Variants in PIK3C2G observed in about 807,000 individuals in gnomAD.
The protein encoded by PIK3C2G is phosphatidylinositol 3-kinase C2 domain-containing subunit gamma.
Under a neutral mutation model 181.1 loss-of-function variants are expected in PIK3C2G, and 168 were observed. The ratio of observed to expected loss-of-function variants is 0.93; its 90% CI spans 0.82 to 1.05. The LOEUF is 1.05. PIK3C2G is among the 50% of genes least tolerant of loss of function. PIK3C2G has a pLI of 0.00. For synonymous variants in PIK3C2G, 573 were observed against 592.2 expected (o/e 0.97, Z 0.47); for missense variants, 1,869 against 1,732.8 (o/e 1.08, Z -1.40).
intron 31 of PIK3C2G, among the ~76,000 whole-genome samples, chr12:18,614,185 G>A (rs897803674): frequency 6.6e-6 from 1 of 151,964 alleles, no homozygotes; most frequent in African/African-American, 2.4e-5. Flanking sequence ...TTCCGTGAAT[G>A]AAAATTGTTC....
intron 10 of PIK3C2G, among the ~76,000 whole-genome samples, chr12:18,343,859 C>G (rs1328085123): frequency 6.6e-6 from 1 of 152,032 alleles, no homozygotes; most frequent in Admixed American, 6.6e-5. Flanking sequence ...GGCTTCGAGT[C>G]TATAAAATTG....
chr12:18,434,607 A>G (rs1946348226), intron 18 of PIK3C2G, among the ~76,000 whole-genome samples: 1 of 152,170 alleles, frequency 6.6e-6, no homozygotes, highest in Admixed American at 6.5e-5. Context: ...GTCAGTAATA[A>G]TGCCCCCACC....
chr12:18,330,204 G>A (rs1232371304), intron 8 of PIK3C2G, among the ~76,000 whole-genome samples: 1 of 152,066 alleles, frequency 6.6e-6, no homozygotes, highest in African/African-American at 2.4e-5. Context: ...CCCATGTTAA[G>A]TGGGTAGTTT....
chr12:18,489,895 T>C (rs1025916747), intron 19 of PIK3C2G, among the ~76,000 whole-genome samples: 8 of 152,174 alleles, frequency 5.3e-5, no homozygotes, highest in Non-Finnish European at 8.8e-5. Flanking sequence ...CAGAGTGATA[T>C]TGACATTATT....
intron 1 of PIK3C2G, among the ~76,000 whole-genome samples, chr12:18,280,714 T>C (rs1418104400): frequency 6.6e-6 from 1 of 152,058 alleles, no homozygotes; most frequent in Non-Finnish European, 1.5e-5. Context: ...ATTTGGTTAG[T>C]GTCTTAAATA....
At chr12:18,530,429 C>T (rs1053146890) in intron 24 of PIK3C2G, among the ~76,000 whole-genome samples, 1 of 152,206 alleles carries the variant, frequency 6.6e-6, no homozygotes, top group African/African-American at 2.4e-5. Flanking sequence ...TTTAAATAAC[C>T]TTGCCTCAAA....
intron 16 of PIK3C2G, among the ~76,000 whole-genome samples, chr12:18,405,706 A>G (rs759394378): frequency 3.9e-5 from 6 of 152,146 alleles, no homozygotes; most frequent in Non-Finnish European, 7.4e-5. Flanking sequence ...GAATTTGGAA[A>G]TCAGGTAGTC....
At chr12:18,561,646 T>A (rs1467567738) in intron 26 of PIK3C2G, among the ~76,000 whole-genome samples, 2 of 152,014 alleles carry the variant, frequency 1.3e-5, no homozygotes, top group African/African-American at 4.8e-5. Flanking sequence ...CTGATTTCAA[T>A]ATTGCTCTCA....
In PIK3C2G at chr12:18,608,250, A is replaced by C. The variant is rs1463575293; in HGVS notation, c.4088-1285A>C. 4.6e-5 allele frequency among the ~76,000 whole-genome samples: 7 copies of C among 152,254 alleles called. No individual in the cohort carries two copies. The East Asian group carries it at 1.4e-3, about 29-fold the overall frequency. Reference sequence around the variant, plus strand: ...ATAAATCATGCTGCTATAAAGACACATGCACACGTATGTTTATTGCGGCAC... The same window carrying C: ...ATAAATCATGCTGCTATAAAGACACCTGCACACGTATGTTTATTGCGGCAC... On this transcript the variant is annotated intron_variant, in intron 30 of 32. Transcript: ENST00000538779.
At chr12:18,671,478 C>T in the PIK3C2G span, among the ~76,000 whole-genome samples, 2 of 152,032 alleles carry the variant, frequency 1.3e-5, no homozygotes, top group African/African-American at 2.4e-5. Context: ...TAAAGAAGAT[C>T]ACACATGAGA....
intron 29 of PIK3C2G, among the ~76,000 whole-genome samples, chr12:18,579,916 C>T (rs543111154): frequency 3.0e-4 from 46 of 152,106 alleles, no homozygotes; most frequent in South Asian, 2.3e-3. Flanking sequence ...GGGTGGATCA[C>T]GAGGTCAAGA....
chr12:18,337,593 A>G (rs1311981619), intron 8 of PIK3C2G, among the ~76,000 whole-genome samples: 3 of 152,080 alleles, frequency 2.0e-5, no homozygotes, highest in Non-Finnish European at 4.4e-5. Context: ...GTGAAGGGAA[A>G]TCAGGTGTCT....
intron 24 of PIK3C2G, among the ~76,000 whole-genome samples, chr12:18,512,266 C>G (rs1012165122): frequency 6.6e-6 from 1 of 151,604 alleles, no homozygotes; most frequent in South Asian, 2.1e-4. Flanking sequence ...TAGCTTTGTT[C>G]TTTTTGCTCA....
chr12:18,539,823 G>C (rs1489328687), intron 25 of PIK3C2G, among the ~76,000 whole-genome samples: 1 of 151,768 alleles, frequency 6.6e-6, no homozygotes, highest in African/African-American at 2.4e-5. Flanking sequence ...CAAAGATATT[G>C]GTTTCTTCTT....
the PIK3C2G span, among the ~76,000 whole-genome samples, chr12:18,672,434 A>G: frequency 6.6e-5 from 10 of 152,270 alleles, no homozygotes; most frequent in East Asian, 1.9e-3. Flanking sequence ...TCAAGATAGA[A>G]TCTGGAATTA....
At chr12:18,468,352 C>T (rs897384552) in intron 18 of PIK3C2G, among the ~76,000 whole-genome samples, 6 of 151,958 alleles carry the variant, frequency 3.9e-5, no homozygotes, top group African/African-American at 1.4e-4. Flanking sequence ...GTTCTGGTGG[C>T]CACCCTCTTG....
intron 14 of PIK3C2G, among the ~76,000 whole-genome samples, chr12:18,389,653 T>C (rs1943414277): frequency 6.6e-6 from 1 of 152,126 alleles, no homozygotes; most frequent in Non-Finnish European, 1.5e-5. Flanking sequence ...TTTTCTCTTA[T>C]AAAAAGTAGA....
chr12:18,620,522 A>G lies in PIK3C2G; in HGVS notation c.4182+10893A>G, dbSNP rs1014979810. 2.9e-5 allele frequency among the ~76,000 whole-genome samples: 4 copies of G among 136,852 alleles called. No individual in the cohort carries two copies. In the Admixed American group the frequency reaches 3.1e-4, roughly 10 times the overall value. 89.8% of individuals were successfully genotyped at this position (136,852 alleles called of 152,430 possible). A position where few individuals can be genotyped will look rare whatever the true frequency, so the allele number is the denominator to read the frequency against. On this transcript the variant is annotated intron_variant, in intron 31 of 32. Transcript: ENST00000538779. ...ATATGACAGATAGATAAATGATTAG[A>G]CAGACAGATAGATAGATAGATAGAT...
At chr12:18,246,874 G>C (rs1021937161), upstream of PIK3C2G, among the ~76,000 whole-genome samples, 1 of 152,144 alleles carries the variant, frequency 6.6e-6, no homozygotes, top group African/African-American at 2.4e-5. Flanking sequence ...GCATATTCTG[G>C]TGTATAAGAA....
Sources: gnomAD v4.1 joint callset for allele counts (sites outside exome capture counted in the v4.1 genomes callset) on GRCh38, gnomAD v4.1.1 for gene constraint, MANE v1.5 for transcripts, NCBI Gene and HGNC (gene_info 2026-07-23, HGNC 2026-07-21) for gene names.